The following CYFIP1 variants were observed in gnomAD, a reference collection of about 807,000 sequenced individuals.
CYFIP1 encodes the protein cytoplasmic FMR1-interacting protein 1.
In CYFIP1, 58 loss-of-function variants were observed where a neutral mutation model predicts 163.5. The observed-to-expected ratio is 0.35, with a 90% CI of 0.29 to 0.44. The LOEUF (loss-of-function observed/expected upper bound fraction) is 0.44, where lower values mean the gene tolerates loss of function less well. CYFIP1 is among the 20% of genes least tolerant of loss of function. The probability of loss-of-function intolerance (pLI) is 1.00; values close to 1 mark genes in which losing one functional copy is unlikely to be tolerated. For missense variants in CYFIP1, 1,338 were observed against 1,653.8 expected, an observed-to-expected ratio of 0.81 and a Z score of 3.31; for synonymous variants, 663 against 660.7, an observed-to-expected ratio of 1.00 and a Z score of -0.05.
chr15:22,903,101 T>C (rs534577482), intron 22 of CYFIP1, among the ~76,000 whole-genome samples: 30 of 152,308 alleles, frequency 2.0e-4, no homozygotes, highest in African/African-American at 7.2e-4. Flanking sequence ...GGCACCTTGC[T>C]TGGTGCCCTG....
intron 1 of CYFIP1, among the ~76,000 whole-genome samples, chr15:22,974,654 C>T (rs1276128812): frequency 6.6e-6 from 1 of 152,096 alleles, no homozygotes; most frequent in East Asian, 1.9e-4. Context: ...CACTGGAACC[C>T]AGGAGGCGGA....
intron 25 of CYFIP1, among the ~76,000 whole-genome samples, chr15:22,880,857 G>GA (rs1281944240): frequency 6.6e-6 from 1 of 152,164 alleles, no homozygotes; most frequent in Admixed American, 6.5e-5. Flanking sequence ...TGGGGGCGGG[G>GA]ACGCTCATGC....
chr15:22,930,403 A>AAC (rs2061502067), intron 11 of CYFIP1, among the ~76,000 whole-genome samples: 2 of 151,666 alleles, frequency 1.3e-5, no homozygotes, highest in Admixed American at 6.6e-5. Flanking sequence ...AAAAAAAAAA[A>AAC]AAAAAAAAAC....
At chr15:22,979,619 C>T (rs1385678728) in intron 1 of CYFIP1, among the ~76,000 whole-genome samples, 3 of 152,192 alleles carry the variant, frequency 2.0e-5, no homozygotes, top group Non-Finnish European at 2.9e-5. Flanking sequence ...TTCTTGCACC[C>T]TTCTTGTCAC....
intron 22 of CYFIP1, among the ~76,000 whole-genome samples, chr15:22,895,462 AAAT>A: frequency 6.6e-6 from 1 of 152,032 alleles, no homozygotes; most frequent in Non-Finnish European, 1.5e-5. Flanking sequence ...CTATATTTCT[AAAT>A]AATACATTTC....
intron 21 of CYFIP1, among the ~76,000 whole-genome samples, chr15:22,906,267 C>G (rs9744776): frequency 1.3e-5 from 2 of 151,062 alleles, no homozygotes; most frequent in Non-Finnish European, 2.9e-5. Context: ...CCACCACGCC[C>G]GGCTAATTTT....
At chr15:22,883,679 T>C (rs749662800) in intron 23 of CYFIP1, among the ~76,000 whole-genome samples, 6 of 151,458 alleles carry the variant, frequency 4.0e-5, no homozygotes, top group Non-Finnish European at 2.9e-5. Context: ...TAGCCGGGCG[T>C]GGTGGCAGGT....
At chr15:22,903,653 C>T in intron 22 of CYFIP1, 53 bp downstream of exon 22, 4 of 1,588,074 alleles carry the variant, frequency 2.5e-6, no homozygotes, top group Middle Eastern at 1.7e-4. Context: ...CCTGCGGGGA[C>T]ATGGGTCCCT....
At chr15:22,975,855 G>A (rs2063255703) in intron 1 of CYFIP1, among the ~76,000 whole-genome samples, 7 of 152,058 alleles carry the variant, frequency 4.6e-5, no homozygotes, top group Admixed American at 1.3e-4. Flanking sequence ...AAAAGTAGGT[G>A]AATTTTATAA....
At chr15:22,912,729 C>A (rs1442505826) in intron 17 of CYFIP1, among the ~76,000 whole-genome samples, 1 of 152,084 alleles carries the variant, frequency 6.6e-6, no homozygotes, top group Non-Finnish European at 1.5e-5. Context: ...TCAAGACCAG[C>A]CTGGGCAATA....
chr15:22,954,256 CT>C (rs1466441170), intron 1 of CYFIP1, among the ~76,000 whole-genome samples: 1 of 152,136 alleles, frequency 6.6e-6, no homozygotes, highest in African/African-American at 2.4e-5. Flanking sequence ...TGCTGGCCCC[CT>C]GATCTCAGAC....
At chr15:22,881,199 G>A (rs1481855490) in intron 25 of CYFIP1, among the ~76,000 whole-genome samples, 1 of 152,170 alleles carries the variant, frequency 6.6e-6, no homozygotes, top group African/African-American at 2.4e-5. Context: ...ACAGTGCCTC[G>A]TCGGTCACCC....
At chr15:22,953,899 C>T (rs1006440118) in intron 1 of CYFIP1, among the ~76,000 whole-genome samples, 3 of 151,848 alleles carry the variant, frequency 2.0e-5, no homozygotes, top group African/African-American at 7.3e-5. Flanking sequence ...ATTAAAAATA[C>T]AAAAAAATTA....
Position 22,917,639 on chromosome 15 carries a change from G to A in CYFIP1, c.1674+149C>T, listed in dbSNP as rs1219619945. The stretch of plus-strand genomic sequence containing the variant: ...CCAACTCACTTGGGTGGGAAACAGA[G>A]GAGCAGCAGAAACCACAGGCGCCAC... On this transcript the variant is annotated intron_variant, in intron 15 of 30. Transcript: ENST00000617928. This position sits in a 1 kb window ranked among gnomAD's most constrained non-coding sequence, Gnocchi z 4.2. 4 of 958,188 alleles carry A rather than the reference G, an allele frequency of 4.2e-6. No individual in the cohort carries two copies. The highest frequency in any genetic ancestry group is 5.9e-6 in the Non-Finnish European group (4 of 673,508). The allele number at this position is 958,188 out of a possible 1,614,324, so 59.4% of individuals were successfully genotyped here.
At chr15:22,964,826 G>A (rs570660992) in intron 1 of CYFIP1, among the ~76,000 whole-genome samples, 2 of 152,242 alleles carry the variant, frequency 1.3e-5, no homozygotes, top group East Asian at 1.9e-4. Context: ...CCCCAGCCCC[G>A]TCTGCCTGCC....
chr15:22,870,329 G>GTT (rs11435642), intron 30 of CYFIP1, 137 bp from the exon 31 acceptor site: 105,097 of 812,230 alleles, frequency 0.13, 3,309 homozygotes, highest in Admixed American at 0.25. Flanking sequence ...TTCTTTTTGG[G>GTT]TTTTTTTTTG....
At chr15:22,879,019 C>T (rs1472399125) in intron 26 of CYFIP1, among the ~76,000 whole-genome samples, 1 of 151,898 alleles carries the variant, frequency 6.6e-6, no homozygotes, top group Non-Finnish European at 1.5e-5. Context: ...GCCTGTAGTC[C>T]CAGCTACTTC....
chr15:22,914,604 C>T, intron 17 of CYFIP1, 122 bp downstream of exon 17: 1 of 1,061,340 alleles, frequency 9.4e-7, no homozygotes, highest in Non-Finnish European at 1.3e-6. Flanking sequence ...GCTATTTTGC[C>T]CAGGCCCAGA....
intron 11 of CYFIP1, among the ~76,000 whole-genome samples, chr15:22,931,824 G>A (rs1188593934): frequency 2.6e-5 from 4 of 151,308 alleles, no homozygotes; most frequent in East Asian, 2.0e-4. Context: ...CATATACAAC[G>A]GTGGTCCCAT....
Sources: allele counts gnomAD v4.1 joint callset (sites outside exome capture counted in the v4.1 genomes callset), GRCh38; gene constraint gnomAD v4.1.1; non-coding constraint Gnocchi (gnomAD v3.1); transcripts MANE v1.5; gene names NCBI Gene and HGNC (gene_info 2026-07-23, HGNC 2026-07-21).